The following TRIM66 variants were observed in gnomAD, a reference collection of about 807,000 sequenced individuals.
TRIM66 encodes the protein tripartite motif containing 66.
Under a neutral mutation model 148.2 loss-of-function variants are expected in TRIM66, and 99 were observed. That is an observed-to-expected ratio of 0.67 (90% CI 0.57 to 0.79). TRIM66 has a LOEUF of 0.79. Ranked by LOEUF, TRIM66 falls within the 30% of genes least tolerant of loss-of-function variation. The pLI, the probability that TRIM66 is intolerant of heterozygous loss-of-function variation, is 0.00. For missense variants in TRIM66, 1,666 were observed against 1,697.9 expected (o/e 0.98, Z 0.33); for synonymous variants, 616 against 635.9 (o/e 0.97, Z 0.47).
chr11:8,638,646 T>C lies in TRIM66; in HGVS notation c.2310+8A>G, dbSNP rs1259786498. On this transcript the variant is annotated splice_region_variant and intron_variant, in intron 15 of 24. Transcript: ENST00000646038. Reference sequence around the variant, plus strand: ...CATGTAGTTAGGGAAAACAGGCTCCTTCAGTACCTTTCTCACCACATTTGG... The same window carrying C: ...CATGTAGTTAGGGAAAACAGGCTCCCTCAGTACCTTTCTCACCACATTTGG... The C allele has an allele frequency of 1.0e-5, 16 of 1,547,186 alleles. No homozygotes were observed. In the South Asian group the frequency reaches 1.3e-4, roughly 13 times the overall value.
At chr11:8,658,017 C>T (rs1344946627) in intron 6 of TRIM66, among the ~76,000 whole-genome samples, 1 of 152,250 alleles carries the variant, frequency 6.6e-6, no homozygotes, top group Non-Finnish European at 1.5e-5. Context: ...AACACCCACC[C>T]TGCATGCTGC....
At chr11:8,654,707 G>A (rs913964370) in intron 6 of TRIM66, 2 of 152,326 alleles carry the variant, frequency 1.3e-5, no homozygotes, top group Middle Eastern at 3.4e-3. Flanking sequence ...CTTTAAGTAT[G>A]ATGACATATA....
At chr11:8,657,106 C>T (rs557965370) in intron 6 of TRIM66, among the ~76,000 whole-genome samples, 5 of 152,322 alleles carry the variant, frequency 3.3e-5, no homozygotes, top group African/African-American at 1.2e-4. Context: ...CAGACATGAA[C>T]AGCAGGGCCA....
At chr11:8,620,642 C>T in intron 20 of TRIM66, 70 bp from the exon 21 acceptor site, 1 of 1,512,616 alleles carries the variant, frequency 6.6e-7, no homozygotes, top group Non-Finnish European at 8.9e-7. Flanking sequence ...CTCCCTCTGC[C>T]CTATGGCAGG....
chr11:8,622,795 G>A lies in TRIM66; in HGVS notation c.3080+21C>T, dbSNP rs979135489. 8.4e-6 allele frequency: 13 copies of A among 1,550,274 alleles called. No individual in the cohort carries two copies. The African/African-American group carries it at 1.8e-4, about 21-fold the overall frequency. On this transcript the variant is annotated intron_variant, in intron 18 of 24. Coordinates refer to ENST00000646038, the MANE Select transcript of TRIM66 (RefSeq NM_001388022.1). ...GACGTGAAGTCATGGGTGGGAGGGA[G>A]ATTAGCCAGAAGGCTGTTACCTGAT...
intron 15 of TRIM66, among the ~76,000 whole-genome samples, chr11:8,628,181 C>T (rs1363980165): frequency 6.6e-6 from 1 of 151,960 alleles, no homozygotes; most frequent in Non-Finnish European, 1.5e-5. Context: ...TCTTGCCTCA[C>T]TCCACTAGCT....
At chr11:8,636,262 C>T (rs758180851) in intron 15 of TRIM66, among the ~76,000 whole-genome samples, 1 of 152,064 alleles carries the variant, frequency 6.6e-6, no homozygotes, top group Admixed American at 6.6e-5. Flanking sequence ...TAGCCACCCC[C>T]ACCCCTTCCC....
At position 8,641,158 on chromosome 11, in the gene TRIM66, A is replaced by T; in HGVS notation, c.1223-6T>A. On this transcript the variant is annotated splice_region_variant and splice_polypyrimidine_tract_variant and intron_variant, in intron 13 of 24. Coordinates refer to ENST00000646038, the MANE Select transcript of TRIM66 (RefSeq NM_001388022.1). Reference sequence around the variant, plus strand: ...ACCTTCAGTAGTTATGCAGCCTGAAAATGCAGAATAGAGAGTTTTTCAAAA... The same window carrying T: ...ACCTTCAGTAGTTATGCAGCCTGAATATGCAGAATAGAGAGTTTTTCAAAA... 1.9e-6 allele frequency: 3 copies of T among 1,545,026 alleles called. No individual in the cohort carries two copies. The highest frequency in any genetic ancestry group is 2.6e-6 in the Non-Finnish European group (3 of 1,142,374).
intron 12 of TRIM66, among the ~76,000 whole-genome samples, chr11:8,643,679 G>C (rs1327782161): frequency 6.6e-6 from 1 of 152,090 alleles, no homozygotes; most frequent in Admixed American, 6.6e-5. Flanking sequence ...GGCCTTAAGT[G>C]ATTTGTCATT....
chr11:8,644,883 T>A (rs1301458008), intron 12 of TRIM66, among the ~76,000 whole-genome samples: 1 of 152,214 alleles, frequency 6.6e-6, no homozygotes, highest in Non-Finnish European at 1.5e-5. Context: ...TCACTATTCA[T>A]CTTCTTTCAC....
chr11:8,619,107 C>T (rs1403814314), intron 23 of TRIM66, 139 bp from the exon 24 acceptor site: 1 of 822,922 alleles, frequency 1.2e-6, no homozygotes, highest in Non-Finnish European at 1.9e-6. Context: ...TCTCCTAGGA[C>T]TCAGGAAAAC....
At chr11:8,622,759 C>G in intron 18 of TRIM66, 57 bp downstream of exon 18, 1 of 1,465,528 alleles carries the variant, frequency 6.8e-7, no homozygotes, top group Non-Finnish European at 9.4e-7. Context: ...ATCCCTGTGC[C>G]AGCATCTCAG....
chr11:8,666,743 A>G (rs2038625408), intron 6 of TRIM66, among the ~76,000 whole-genome samples: 1 of 152,226 alleles, frequency 6.6e-6, no homozygotes. Flanking sequence ...TACTGACACC[A>G]AAGCTTTTGT....
chr11:8,667,905 T>C (rs2038701537), intron 6 of TRIM66, among the ~76,000 whole-genome samples: 1 of 152,242 alleles, frequency 6.6e-6, no homozygotes, highest in African/African-American at 2.4e-5. Context: ...AAGTCCCTAC[T>C]TTAAATTCTT....
chr11:8,652,749 A>C (rs1425816528), intron 6 of TRIM66, among the ~76,000 whole-genome samples: 1 of 152,210 alleles, frequency 6.6e-6, no homozygotes, highest in Non-Finnish European at 1.5e-5. Context: ...GTGTCCAGGG[A>C]TGAGGGTGAT....
upstream of TRIM66, chr11:8,682,735 G>A (rs959282945): frequency 5.1e-5 from 81 of 1,580,476 alleles, no homozygotes; most frequent in Middle Eastern, 1.7e-4. Flanking sequence ...GACCGGAAGT[G>A]AGGCGTTTTG....
Position 8,619,378 on chromosome 11 carries a change from C to A in TRIM66, c.3900+5G>T. The A allele has an allele frequency of 6.7e-7, 1 of 1,495,748 alleles. No homozygotes were observed. The highest frequency in any genetic ancestry group is 8.9e-7 in the Non-Finnish European group (1 of 1,119,836). The allele number at this position is 1,495,748 out of a possible 1,614,324, so 92.7% of individuals were successfully genotyped here. ...TAGGAGAGAGGGAAAACAGGCAAGA[C>A]ATACATAATTGAACTTAGCACAGTT... On this transcript the variant is annotated splice_donor_5th_base_variant and intron_variant, in intron 23 of 24. Coordinates refer to ENST00000646038, the MANE Select transcript of TRIM66 (RefSeq NM_001388022.1).
At chr11:8,658,814 T>G (rs1457344526) in intron 6 of TRIM66, 1 of 985,144 alleles carries the variant, frequency 1.0e-6, no homozygotes, top group African/African-American at 1.7e-5. Context: ...TGGGGGGGCC[T>G]TCAACAGACA....
intron 6 of TRIM66, chr11:8,663,179 T>A (rs1157909583): frequency 2.0e-5 from 3 of 152,364 alleles, no homozygotes; most frequent in Admixed American, 6.5e-5. Context: ...CCAGCTGGTC[T>A]CCTCAGTACC....
Sources: allele counts gnomAD v4.1 joint callset (sites outside exome capture counted in the v4.1 genomes callset), GRCh38; gene constraint gnomAD v4.1.1; transcripts MANE v1.5; gene names NCBI Gene and HGNC (gene_info 2026-07-23, HGNC 2026-07-21).